Variants in PXDNL observed in about 807,000 individuals in gnomAD.
PXDNL encodes the protein probable oxidoreductase PXDNL.
Under a neutral mutation model 150.8 loss-of-function variants are expected in PXDNL, and 145 were observed. The observed-to-expected ratio is 0.96, with a 90% CI of 0.84 to 1.10. The LOEUF (loss-of-function observed/expected upper bound fraction) is 1.10, where lower values mean the gene tolerates loss of function less well. Ranked by LOEUF, PXDNL falls within the 50% of genes least tolerant of loss-of-function variation. The pLI, the probability that PXDNL is intolerant of heterozygous loss-of-function variation, is 0.00. For synonymous variants in PXDNL, 757 were observed against 725.7 expected (o/e 1.04, Z -0.69); for missense variants, 2,087 against 1,873.9 (o/e 1.11, Z -2.10).
chr8:51,504,406 C>T (rs1811244939), intron 4 of PXDNL, among the ~76,000 whole-genome samples: 1 of 152,308 alleles, frequency 6.6e-6, no homozygotes, highest in Non-Finnish European at 1.5e-5. Flanking sequence ...CTCCTCCCAG[C>T]CACATACCTG....
intron 17 of PXDNL, among the ~76,000 whole-genome samples, chr8:51,380,922 C>G (rs983162419): frequency 6.6e-6 from 1 of 151,996 alleles, no homozygotes; most frequent in African/African-American, 2.4e-5. Flanking sequence ...GGCTTATGTC[C>G]TAAATTATAT....
At chr8:51,499,584 G>A in intron 5 of PXDNL, 115 bp downstream of exon 5, 2 of 731,006 alleles carry the variant, frequency 2.7e-6, no homozygotes, top group Non-Finnish European at 4.9e-6. Flanking sequence ...CCAAGGTACA[G>A]GCTCTGCCTC....
chr8:51,664,906 G>T (rs536705603), intron 1 of PXDNL, among the ~76,000 whole-genome samples: 2 of 152,226 alleles, frequency 1.3e-5, no homozygotes, highest in East Asian at 3.9e-4. Context: ...CTATGCAGGT[G>T]CACATGTGGT....
Position 51,372,020 on chromosome 8 carries a change from A to AC in PXDNL, c.3753dup (p.Ser1252ValfsTer8). On this transcript the variant is annotated frameshift_variant, in exon 19 of 23. Coordinates refer to ENST00000356297, the MANE Select transcript of PXDNL (RefSeq NM_144651.5). LOFTEE classifies it high-confidence loss of function. ...TTGTCACAAAGCACCCGGCTCAGGGACGCCTGCTTCAGCTGAGTGAGTTGT... is the reference window on the plus strand; with the variant it reads ...TTGTCACAAAGCACCCGGCTCAGGGACCGCCTGCTTCAGCTGAGTGAGTTGT... 1.2e-6 allele frequency: 2 copies of AC among 1,612,296 alleles called. No individual in the cohort carries two copies. Among genetic ancestry groups the AC allele is most frequent in the Non-Finnish European group, 1.7e-6 (2 of 1,179,136 alleles).
In PXDNL at chr8:51,690,374, A is replaced by T. The variant is rs1053041586; in HGVS notation, c.165-35614T>A. Among the ~76,000 whole-genome samples, 3 of 152,088 alleles carry T rather than the reference A, an allele frequency of 2.0e-5. No individual in the cohort carries two copies. In the South Asian group the frequency reaches 6.2e-4, roughly 32 times the overall value. On this transcript the variant is annotated intron_variant, in intron 1 of 22. Coordinates refer to ENST00000356297, the MANE Select transcript of PXDNL (RefSeq NM_144651.5). ...TGTGATGTTCCCCTTCCTGTGTCCAAGTGTTCTCATTGTTCAATTCCATCT... is the reference window on the plus strand; with the variant it reads ...TGTGATGTTCCCCTTCCTGTGTCCATGTGTTCTCATTGTTCAATTCCATCT...
chr8:51,777,487 G>A (rs2037365124), intron 1 of PXDNL, among the ~76,000 whole-genome samples: 1 of 152,198 alleles, frequency 6.6e-6, no homozygotes, highest in Non-Finnish European at 1.5e-5. Context: ...CACAGAAAGT[G>A]GTCCACTTAT....
intron 19 of PXDNL, among the ~76,000 whole-genome samples, chr8:51,355,273 G>T (rs528309708): frequency 6.6e-6 from 1 of 152,276 alleles, no homozygotes; most frequent in South Asian, 2.1e-4. Context: ...ACTTTCATTA[G>T]TTCACAAACA....
chr8:51,699,230 A>T (rs1363740226), intron 1 of PXDNL, among the ~76,000 whole-genome samples: 1 of 152,214 alleles, frequency 6.6e-6, no homozygotes, highest in Non-Finnish European at 1.5e-5. Flanking sequence ...ATTTTCTTCC[A>T]GTAGAAATCT....
At chr8:51,401,998 C>G (rs1808261334) in intron 17 of PXDNL, among the ~76,000 whole-genome samples, 1 of 152,122 alleles carries the variant, frequency 6.6e-6, no homozygotes, top group African/African-American at 2.4e-5. Flanking sequence ...AAGGAAAAGC[C>G]AAGCCCACAG....
intron 1 of PXDNL, among the ~76,000 whole-genome samples, chr8:51,796,968 T>C (rs578028049): frequency 3.3e-5 from 5 of 152,300 alleles, no homozygotes. Context: ...TTTAAAAGCT[T>C]ATCCACCATG....
chr8:51,670,365 G>A lies in PXDNL; in HGVS notation c.165-15605C>T, dbSNP rs149408546. Among the ~76,000 whole-genome samples, 215 of 152,236 alleles carry A rather than the reference G, an allele frequency of 1.4e-3. 1 individual carries two copies. The highest frequency in any genetic ancestry group is 9.1e-3 in the East Asian group (47 of 5,180). On this transcript the variant is annotated intron_variant, in intron 1 of 22. Transcript: ENST00000356297. ...TGTTGTTCGATGATTTTGTCCTTGC[G>A]CAAAGATCATAGAGTGCATTTACAC...
At chr8:51,569,084 C>T (rs979611240) in intron 3 of PXDNL, among the ~76,000 whole-genome samples, 18 of 151,806 alleles carry the variant, frequency 1.2e-4, no homozygotes, top group Admixed American at 5.3e-4. Context: ...AAATCTCTGC[C>T]GAATCTGAGT....
intron 3 of PXDNL, among the ~76,000 whole-genome samples, chr8:51,573,222 G>C (rs558364295): frequency 6.6e-6 from 1 of 152,078 alleles, no homozygotes; most frequent in South Asian, 2.1e-4. Flanking sequence ...ACACTTGTGA[G>C]GCTATATTGA....
intron 19 of PXDNL, among the ~76,000 whole-genome samples, chr8:51,361,622 A>G (rs1806740514): frequency 6.6e-6 from 1 of 152,212 alleles, no homozygotes. Context: ...ATTAGAATGC[A>G]ATGTTCCAAA....
chr8:51,365,445 TACCTAGC>T (rs2130765213), intron 19 of PXDNL, among the ~76,000 whole-genome samples: 1 of 152,378 alleles, frequency 6.6e-6, no homozygotes, highest in East Asian at 1.9e-4. Context: ...GTAGATTCTT[TACCTAGC>T]ACATTCTTTG....
Position 51,479,932 on chromosome 8 carries a change from C to G in PXDNL, c.524+3711G>C, listed in dbSNP as rs561622612. On this transcript the variant is annotated intron_variant, in intron 6 of 22. Coordinates refer to ENST00000356297, the MANE Select transcript of PXDNL (RefSeq NM_144651.5). ...AGACTTTTGAGGGCTTGGATACAAT[C>G]AAAGAACACCAAGAAGACTGGGAAG... Among the ~76,000 whole-genome samples, 12 of 152,146 alleles carry G rather than the reference C, an allele frequency of 7.9e-5. 1 individual carries two copies. In the South Asian group the frequency reaches 2.5e-3, roughly 32 times the overall value.
At chr8:51,691,279 G>C (rs1031244268) in intron 1 of PXDNL, among the ~76,000 whole-genome samples, 10 of 152,036 alleles carry the variant, frequency 6.6e-5, no homozygotes, top group Admixed American at 5.9e-4. Flanking sequence ...CCTAGGTTTT[G>C]TTCTAGGGTT....
intron 2 of PXDNL, among the ~76,000 whole-genome samples, chr8:51,645,357 A>T (rs911598347): frequency 2.6e-5 from 4 of 152,160 alleles, no homozygotes; most frequent in Non-Finnish European, 5.9e-5. Context: ...GTCTAATCAC[A>T]TATCTGGGCA....
chr8:51,496,107 G>GA (rs1811041761), intron 5 of PXDNL, among the ~76,000 whole-genome samples: 1 of 152,158 alleles, frequency 6.6e-6, no homozygotes, highest in Non-Finnish European at 1.5e-5. Context: ...TCATCCCTGG[G>GA]ATGCAAGGCT....
Sources: gnomAD v4.1 joint callset for allele counts (sites outside exome capture counted in the v4.1 genomes callset) on GRCh38, gnomAD v4.1.1 for gene constraint, MANE v1.5 for transcripts, NCBI Gene and HGNC (gene_info 2026-07-23, HGNC 2026-07-21) for gene names.